The following IL1RAPL1 variants were observed in gnomAD, a reference collection of about 807,000 sequenced individuals.
The protein encoded by IL1RAPL1 is interleukin 1 receptor accessory protein like 1, also known as interleukin-1 receptor accessory protein-like 1.
Under a neutral mutation model 48.4 loss-of-function variants are expected in IL1RAPL1, and 3 were observed. The ratio of observed to expected loss-of-function variants is 0.06; its 90% CI spans 0.03 to 0.16. The LOEUF (loss-of-function observed/expected upper bound fraction) is 0.16, where lower values mean the gene tolerates loss of function less well. Ranked by LOEUF, IL1RAPL1 falls within the 10% of genes least tolerant of loss-of-function variation. The probability of loss-of-function intolerance (pLI) is 1.00; values close to 1 mark genes in which losing one functional copy is unlikely to be tolerated. For synonymous variants in IL1RAPL1, 185 were observed against 187.7 expected, an observed-to-expected ratio of 0.99 and a Z score of 0.12; for missense variants, 349 against 530.6, an observed-to-expected ratio of 0.66 and a Z score of 3.36.
At chrX:29,687,068 C>T (rs1008184192) in intron 6 of IL1RAPL1, among the ~76,000 whole-genome samples, 4 of 109,931 alleles carry the variant, frequency 3.6e-5, no homozygotes, top group African/African-American at 9.9e-5. Flanking sequence ...TAAATTCATA[C>T]GGTCATTAGG....
At chrX:28,760,272 T>C (rs1936153384) in intron 1 of IL1RAPL1, among the ~76,000 whole-genome samples, 1 of 112,076 alleles carries the variant, frequency 8.9e-6, no homozygotes, top group Admixed American at 9.5e-5. Context: ...ACTGACAGAA[T>C]AACTGGCATA....
intron 3 of IL1RAPL1, among the ~76,000 whole-genome samples, chrX:29,347,884 G>A (rs1452417379): frequency 9.0e-6 from 1 of 111,510 alleles, no homozygotes; most frequent in Non-Finnish European, 1.9e-5. Flanking sequence ...GCTACTAAGT[G>A]GCTAATGGGC....
intron 2 of IL1RAPL1, among the ~76,000 whole-genome samples, chrX:28,805,009 C>T (rs5985801): frequency 0.013 from 1,464 of 110,637 alleles, 26 homozygotes; most frequent in African/African-American, 0.046. Context: ...ACAAGAAATG[C>T]TAATATTATG....
chrX:29,836,645 G>A (rs756445659), intron 6 of IL1RAPL1, among the ~76,000 whole-genome samples: 108 of 111,584 alleles, frequency 9.7e-4, no homozygotes, highest in African/African-American at 3.2e-3. Context: ...TTCTACTATT[G>A]TGGTCATAAA....
intron 3 of IL1RAPL1, among the ~76,000 whole-genome samples, chrX:29,387,360 A>C (rs772658615): frequency 8.9e-6 from 1 of 112,319 alleles, no homozygotes; most frequent in South Asian, 3.7e-4. Flanking sequence ...AAATGTGCTG[A>C]GTTCAAAGAT....
At chrX:29,350,263 C>G (rs527834029) in intron 3 of IL1RAPL1, among the ~76,000 whole-genome samples, 1 of 84,806 alleles carries the variant, frequency 1.2e-5, no homozygotes, top group Admixed American at 1.3e-4. Context: ...CCCCCCCCCC[C>G]ACCTGGCTCA....
At chrX:29,817,295 C>T (rs768166652) in intron 6 of IL1RAPL1, among the ~76,000 whole-genome samples, 1 of 112,012 alleles carries the variant, frequency 8.9e-6, no homozygotes, top group African/African-American at 3.2e-5. Flanking sequence ...ACTTTGACAG[C>T]CTATTGGCCT....
At chrX:29,951,488 C>A (rs771661326) in intron 9 of IL1RAPL1, among the ~76,000 whole-genome samples, 2 of 111,007 alleles carry the variant, frequency 1.8e-5, no homozygotes, top group African/African-American at 3.3e-5. Flanking sequence ...AATTTGGTGA[C>A]TCTCTTCTCC....
At chrX:29,743,722 A>G (rs1928265127) in intron 6 of IL1RAPL1, among the ~76,000 whole-genome samples, 1 of 111,926 alleles carries the variant, frequency 8.9e-6, no homozygotes, top group African/African-American at 3.2e-5. Context: ...TGACCTCGTG[A>G]TCTGTCTGCC....
chrX:29,070,947 A>G (rs1927553884), intron 2 of IL1RAPL1, among the ~76,000 whole-genome samples: 1 of 111,747 alleles, frequency 8.9e-6, no homozygotes. Flanking sequence ...AATTCTATAC[A>G]GAATATTACA....
At chrX:29,339,322 T>C (rs1209636005) in intron 3 of IL1RAPL1, among the ~76,000 whole-genome samples, 1 of 111,716 alleles carries the variant, frequency 9.0e-6, no homozygotes, top group Non-Finnish European at 1.9e-5. Context: ...TAGGATAGAT[T>C]GTGATGAAAA....
At chrX:28,742,399 A>C (rs1042164636) in intron 1 of IL1RAPL1, among the ~76,000 whole-genome samples, 31 of 111,758 alleles carry the variant, frequency 2.8e-4, no homozygotes, top group African/African-American at 8.7e-4. Flanking sequence ...TATGTTAGGC[A>C]TTGTAATTGA....
chrX:29,194,181 A>T (rs777402702), intron 2 of IL1RAPL1, among the ~76,000 whole-genome samples: 11 of 112,441 alleles, frequency 9.8e-5, no homozygotes, highest in Non-Finnish European at 2.1e-4. Flanking sequence ...AAAGAGAAAC[A>T]TTACCATATA....
At chrX:29,448,970 G>A (rs939803890) in intron 5 of IL1RAPL1, among the ~76,000 whole-genome samples, 1 of 110,699 alleles carries the variant, frequency 9.0e-6, no homozygotes, top group African/African-American at 3.3e-5. Flanking sequence ...AGTCCTGCCC[G>A]CCCTTATGAC....
At chrX:28,640,454 T>C (rs1934521609) in intron 1 of IL1RAPL1, among the ~76,000 whole-genome samples, 1 of 110,186 alleles carries the variant, frequency 9.1e-6, no homozygotes, top group African/African-American at 3.3e-5. Context: ...CATGCGATCT[T>C]CCTGCCTCAG....
At chrX:28,792,850 T>TATATATAA (rs1185461448) in intron 2 of IL1RAPL1, among the ~76,000 whole-genome samples, 2 of 42,417 alleles carry the variant, frequency 4.7e-5, no homozygotes, top group Non-Finnish European at 6.8e-5. Context: ...TATATATATA[T>TATATATAA]AAAAAATAAG....
At chrX:29,502,758 G>A (rs1935288791) in intron 5 of IL1RAPL1, among the ~76,000 whole-genome samples, 1 of 111,536 alleles carries the variant, frequency 9.0e-6, no homozygotes, top group Non-Finnish European at 1.9e-5. Flanking sequence ...CAGCGATATT[G>A]GCCTATAGTT....
chrX:29,069,106 C>G (rs1356835466), intron 2 of IL1RAPL1, among the ~76,000 whole-genome samples: 2 of 111,931 alleles, frequency 1.8e-5, no homozygotes, highest in Non-Finnish European at 3.8e-5. Context: ...CTTTGCTTAG[C>G]TAGCTCAGGT....
chrX:29,028,549 G>T (rs1485202221), intron 2 of IL1RAPL1, among the ~76,000 whole-genome samples: 2 of 111,064 alleles, frequency 1.8e-5, no homozygotes, highest in East Asian at 5.7e-4. Context: ...GCCTCCCAAA[G>T]TGCTAGGATT....
Sources: gnomAD v4.1 joint callset for allele counts (sites outside exome capture counted in the v4.1 genomes callset) on GRCh38, gnomAD v4.1.1 for gene constraint, MANE v1.5 for transcripts, NCBI Gene and HGNC (gene_info 2026-07-23, HGNC 2026-07-21) for gene names.